DRC9: variants seen among roughly 807,000 people sequenced by gnomAD.
The protein encoded by DRC9 is dynein regulatory complex subunit 9.
At chr3:197,915,852 C>T in the DRC9 span, among the ~76,000 whole-genome samples, 1 of 152,182 alleles carries the variant, frequency 6.6e-6, no homozygotes, top group Admixed American at 6.5e-5. Flanking sequence ...TGGTCTTGAT[C>T]TCCCGACCTC....
At chr3:197,889,522 TCTCTC>T in the DRC9 span, 1 of 1,603,432 alleles carries the variant, frequency 6.2e-7, no homozygotes, top group Admixed American at 1.7e-5. Flanking sequence ...GTTTCTTAAC[TCTCTC>T]CAAGTCCTTC....
chr3:197,951,125 T>C, the DRC9 span: 1 of 1,613,874 alleles, frequency 6.2e-7, no homozygotes. Context: ...TTTTTGAAGC[T>C]TATGTTTCAT....
At chr3:197,896,030 A>G in the DRC9 span, among the ~76,000 whole-genome samples, 29 of 150,422 alleles carry the variant, frequency 1.9e-4, no homozygotes, top group African/African-American at 6.4e-4. Flanking sequence ...ATTGTCAGAA[A>G]AAAAATGAAA....
the DRC9 span, among the ~76,000 whole-genome samples, chr3:197,911,743 G>T: frequency 5.9e-5 from 9 of 151,758 alleles, no homozygotes; most frequent in Non-Finnish European, 1.3e-4. Context: ...GGGTTCAAGC[G>T]ATTCTATTGC....
At chr3:197,889,714 G>A in the DRC9 span, 1 of 1,614,194 alleles carries the variant, frequency 6.2e-7, no homozygotes, top group Non-Finnish European at 8.5e-7. Flanking sequence ...CAGGCCTGGA[G>A]CTGGAAGAGA....
At chr3:197,890,698 G>A in the DRC9 span, among the ~76,000 whole-genome samples, 2 of 152,180 alleles carry the variant, frequency 1.3e-5, no homozygotes, top group African/African-American at 4.8e-5. Flanking sequence ...CAGGAATACT[G>A]ACAAGTTTTA....
chr3:197,909,653 A>G, the DRC9 span, among the ~76,000 whole-genome samples: 2 of 152,366 alleles, frequency 1.3e-5, no homozygotes, highest in South Asian at 2.1e-4. Context: ...AGAAGAAAAC[A>G]ACAGGCTCTG....
chr3:197,955,994 A>C, the DRC9 span: 1 of 541,802 alleles, frequency 1.8e-6, no homozygotes, highest in Non-Finnish European at 3.3e-6. Flanking sequence ...TCTTTGACAG[A>C]GTCTTGCTCT....
chr3:197,912,800 A>G, the DRC9 span: 63 of 1,457,986 alleles, frequency 4.3e-5, no homozygotes, highest in Non-Finnish European at 5.5e-5. Flanking sequence ...GCTGGGAATC[A>G]GAAGTTCTCA....
the DRC9 span, among the ~76,000 whole-genome samples, chr3:197,943,346 A>G: frequency 6.6e-6 from 1 of 152,150 alleles, no homozygotes; most frequent in African/African-American, 2.4e-5. Flanking sequence ...TGGCAATTTC[A>G]CTCCATCAGT....
chr3:197,906,968 C>T, the DRC9 span, among the ~76,000 whole-genome samples: 1 of 152,154 alleles, frequency 6.6e-6, no homozygotes, highest in East Asian at 1.9e-4. Context: ...TAGCCATTGC[C>T]AAGAATCCCA....
chr3:197,931,936 T>G, the DRC9 span, among the ~76,000 whole-genome samples: 1 of 152,126 alleles, frequency 6.6e-6, no homozygotes, highest in African/African-American at 2.4e-5. Context: ...AATTCAATCT[T>G]AAGAAAGGTT....
the DRC9 span, among the ~76,000 whole-genome samples, chr3:197,902,736 T>C: frequency 6.6e-6 from 1 of 152,088 alleles, no homozygotes; most frequent in African/African-American, 2.4e-5. Context: ...AGAATCAATA[T>C]TGTTAAAATG....
the DRC9 span, among the ~76,000 whole-genome samples, chr3:197,923,282 A>T: frequency 2.0e-5 from 3 of 152,122 alleles, no homozygotes; most frequent in African/African-American, 7.2e-5. Context: ...CCACATCCAG[A>T]TAATTTTTTT....
At chr3:197,897,078 C>T in the DRC9 span, among the ~76,000 whole-genome samples, 1 of 151,866 alleles carries the variant, frequency 6.6e-6, no homozygotes, top group African/African-American at 2.4e-5. Context: ...GAAGACACAT[C>T]TTTTTAAAAA....
the DRC9 span, among the ~76,000 whole-genome samples, chr3:197,934,283 C>G: frequency 6.7e-6 from 1 of 149,152 alleles, no homozygotes; most frequent in Non-Finnish European, 1.5e-5. Flanking sequence ...CTCCCAGGTT[C>G]AAGCGATTCT....
the DRC9 span, among the ~76,000 whole-genome samples, chr3:197,945,175 G>A: frequency 6.6e-6 from 1 of 152,168 alleles, no homozygotes; most frequent in South Asian, 2.1e-4. Context: ...GGTGATAAAA[G>A]ACATTGCAGC....
the DRC9 span, among the ~76,000 whole-genome samples, chr3:197,941,294 C>T: frequency 3.6e-5 from 4 of 111,766 alleles, no homozygotes; most frequent in African/African-American, 1.6e-4. Context: ...TCCTTTCTTT[C>T]TTTTCCTCCC....
the DRC9 span, chr3:197,954,096 C>A: frequency 3.7e-6 from 6 of 1,614,034 alleles, no homozygotes; most frequent in Non-Finnish European, 5.1e-6. Context: ...TGGTTCGTGC[C>A]AAATTCCGAA....
Sources: gnomAD v4.1 joint callset for allele counts (sites outside exome capture counted in the v4.1 genomes callset) on GRCh38, gnomAD v4.1.1 for gene constraint, MANE v1.5 for transcripts, NCBI Gene and HGNC (gene_info 2026-07-23, HGNC 2026-07-21) for gene names.